Variants in BNC2 observed in about 807,000 individuals in gnomAD.
BNC2 encodes the protein basonuclin zinc finger protein 2.
Under a neutral mutation model 76.3 loss-of-function variants are expected in BNC2, and 20 were observed. That is an observed-to-expected ratio of 0.26 (90% CI 0.18 to 0.38). The LOEUF is 0.38. Ranked by LOEUF, BNC2 falls within the 10% of genes least tolerant of loss-of-function variation. The pLI is 1.00. For missense variants in BNC2, 1,382 were observed against 1,399.8 expected (o/e 0.99, Z 0.20); for synonymous variants, 582 against 514.8 (o/e 1.13, Z -1.77).
At chr9:16,844,663 T>G (rs1453062918) in intron 1 of BNC2, among the ~76,000 whole-genome samples, 1 of 151,974 alleles carries the variant, frequency 6.6e-6, no homozygotes, top group Non-Finnish European at 1.5e-5. Context: ...CACGCCCGGC[T>G]AATTTTTGTA....
intron 5 of BNC2, among the ~76,000 whole-genome samples, chr9:16,535,453 G>A (rs1286107338): frequency 6.6e-6 from 1 of 152,074 alleles, no homozygotes; most frequent in Non-Finnish European, 1.5e-5. Context: ...CAATCTTGAA[G>A]CCTGGAATCA....
At chr9:16,570,129 G>A (rs1323888245) in intron 4 of BNC2, among the ~76,000 whole-genome samples, 1 of 152,066 alleles carries the variant, frequency 6.6e-6, no homozygotes, top group Non-Finnish European at 1.5e-5. Context: ...ATCTATATAA[G>A]AATTTCATTA....
intron 1 of BNC2, among the ~76,000 whole-genome samples, chr9:16,861,555 A>C (rs1586944030): frequency 6.6e-6 from 1 of 152,198 alleles, no homozygotes; most frequent in Admixed American, 6.5e-5. Context: ...CAAATGGCCA[A>C]TAAAGTGCAT....
chr9:16,427,615 G>GCA lies in BNC2; in HGVS notation c.2639+7938_2639+7939dup, dbSNP rs1328763572. ...TAGAAACTAATGTAGTCATTTATGA[G>GCA]CACATTGCAGTGCCAAAGTAGTTAG... On this transcript the variant is annotated intron_variant, in intron 6 of 6. Transcript: ENST00000380672. 2.0e-5 allele frequency among the ~76,000 whole-genome samples: 3 copies of GCA among 152,200 alleles called. No homozygotes were observed. In the South Asian group the frequency reaches 6.2e-4, roughly 31 times the overall value.
chr9:16,487,563 T>C (rs1487848407), intron 5 of BNC2, among the ~76,000 whole-genome samples: 2 of 152,168 alleles, frequency 1.3e-5, no homozygotes, highest in Admixed American at 6.5e-5. Context: ...ATATTAATAG[T>C]TGAATATTAT....
At chr9:16,491,284 G>T (rs1261098865) in intron 5 of BNC2, among the ~76,000 whole-genome samples, 1 of 152,160 alleles carries the variant, frequency 6.6e-6, no homozygotes, top group African/African-American at 2.4e-5. Flanking sequence ...CAAATGGCTG[G>T]AGGCAATGCT....
intron 5 of BNC2, among the ~76,000 whole-genome samples, chr9:16,472,575 A>G (rs1048311970): frequency 2.0e-5 from 3 of 152,204 alleles, no homozygotes; most frequent in Non-Finnish European, 4.4e-5. Context: ...CTATTCACTC[A>G]GTCCTAAACC....
At chr9:16,765,031 T>A (rs367814445) in intron 1 of BNC2, among the ~76,000 whole-genome samples, 1 of 152,208 alleles carries the variant, frequency 6.6e-6, no homozygotes, top group South Asian at 2.1e-4. Context: ...ATATCTTCCA[T>A]CTTGGCTCTT....
intron 3 of BNC2, among the ~76,000 whole-genome samples, chr9:16,643,221 G>C (rs553164529): frequency 1.3e-5 from 2 of 151,018 alleles, no homozygotes; most frequent in South Asian, 2.1e-4. Context: ...CAGGAGAATC[G>C]CTTGAACCTG....
intron 3 of BNC2, among the ~76,000 whole-genome samples, chr9:16,610,255 T>A (rs927439492): frequency 6.6e-6 from 1 of 152,126 alleles, no homozygotes; most frequent in Non-Finnish European, 1.5e-5. Context: ...TAAATTATGC[T>A]CATAGAGTGG....
Position 16,708,576 on chromosome 9 carries a change from G to A in BNC2, c.330+19221C>T, listed in dbSNP as rs182241512. Among the ~76,000 whole-genome samples the A allele has an allele frequency of 5.0e-4, 76 of 152,160 alleles. 1 individual carries two copies. Among genetic ancestry groups the A allele is most frequent in the African/African-American group, 1.6e-3 (66 of 41,516 alleles). On this transcript the variant is annotated intron_variant, in intron 3 of 6. Coordinates refer to ENST00000380672, the MANE Select transcript of BNC2 (RefSeq NM_017637.6). ...AGATGTGTATGGACAAAAGAGAGAAGGAAGGAAAAGCAAAGAGATGGTGTG... is the reference window on the plus strand; with the variant it reads ...AGATGTGTATGGACAAAAGAGAGAAAGAAGGAAAAGCAAAGAGATGGTGTG...
At chr9:16,767,845 T>G (rs1825737809) in intron 1 of BNC2, among the ~76,000 whole-genome samples, 1 of 152,148 alleles carries the variant, frequency 6.6e-6, no homozygotes, top group African/African-American at 2.4e-5. Flanking sequence ...TGGATAATTT[T>G]AAAGAAAATC....
At chr9:16,425,961 C>T (rs1054626104) in intron 6 of BNC2, among the ~76,000 whole-genome samples, 1 of 152,174 alleles carries the variant, frequency 6.6e-6, no homozygotes, top group Non-Finnish European at 1.5e-5. Flanking sequence ...TCTGAGACAT[C>T]GAGGCTTCTC....
At chr9:16,431,502 A>G (rs1457995379) in intron 6 of BNC2, 2 of 469,516 alleles carry the variant, frequency 4.3e-6, no homozygotes, top group Non-Finnish European at 8.8e-6. Context: ...GAAAGATTTC[A>G]TATGTATACT....
chr9:16,719,355 T>C lies in BNC2; in HGVS notation c.330+8442A>G, dbSNP rs576009985. On this transcript the variant is annotated intron_variant, in intron 3 of 6. Transcript: ENST00000380672. Reference sequence around the variant, plus strand: ...AATGTTAATGGAAAGGGAAAAAAATTATTAAAATCCTCTAATGGAGATTCT... The same window carrying C: ...AATGTTAATGGAAAGGGAAAAAAATCATTAAAATCCTCTAATGGAGATTCT... Among the ~76,000 whole-genome samples, 17 of 152,338 alleles carry C rather than the reference T, an allele frequency of 1.1e-4. 1 individual carries two copies. The East Asian group carries it at 2.7e-3, about 24-fold the overall frequency.
intron 1 of BNC2, among the ~76,000 whole-genome samples, chr9:16,800,810 A>G (rs1817762468): frequency 1.3e-5 from 2 of 152,214 alleles, no homozygotes; most frequent in African/African-American, 4.8e-5. Flanking sequence ...ACAGTTTTTA[A>G]AAACCTCTTC....
intron 1 of BNC2, among the ~76,000 whole-genome samples, chr9:16,818,795 G>C (rs765228570): frequency 5.9e-5 from 9 of 152,138 alleles, no homozygotes; most frequent in Non-Finnish European, 5.9e-5. Context: ...CCAAGTAGCT[G>C]AGGTTACAGG....
At chr9:16,698,560 G>A (rs542955182) in intron 3 of BNC2, among the ~76,000 whole-genome samples, 1 of 152,264 alleles carries the variant, frequency 6.6e-6, no homozygotes, top group East Asian at 1.9e-4. Context: ...GGGCGTGGTG[G>A]CGCATGCCTG....
At chr9:16,687,319 G>A (rs537865375) in intron 3 of BNC2, among the ~76,000 whole-genome samples, 3 of 152,228 alleles carry the variant, frequency 2.0e-5, no homozygotes, top group Non-Finnish European at 2.9e-5. Context: ...GGCGCTAACC[G>A]AAATCAAGAC....
Sources: allele counts gnomAD v4.1 joint callset (sites outside exome capture counted in the v4.1 genomes callset), GRCh38; gene constraint gnomAD v4.1.1; transcripts MANE v1.5; gene names NCBI Gene and HGNC (gene_info 2026-07-23, HGNC 2026-07-21).